The following GNAS-AS1 variants were observed in gnomAD, a reference collection of about 807,000 sequenced individuals.
The protein encoded by GNAS-AS1 is GNAS antisense RNA 1.
chr20:58,840,145 T>C lies in GNAS-AS1; in HGVS notation n.819+1792A>G. 6.2e-7 allele frequency: 1 copy of C among 1,611,442 alleles called. No individual in the cohort carries two copies. Among genetic ancestry groups the C allele is most frequent in the South Asian group, 1.1e-5 (1 of 91,050 alleles). ...CCCGGGCTCAGCAGTGGCGCCGAGC[T>C]CGCCATAATTACAACGACCTGTGCC... On this transcript the variant is annotated intron_variant and non_coding_transcript_variant, in intron 4 of 4. Transcript: ENST00000424094. This position sits in a 1 kb window ranked among gnomAD's most constrained non-coding sequence, Gnocchi z 6.0.
In GNAS-AS1 at chr20:58,840,938, G is replaced by T. The variant is rs1432544188; in HGVS notation, n.819+999C>A. On this transcript the variant is annotated intron_variant and non_coding_transcript_variant, in intron 4 of 4. Transcript: ENST00000424094. This position sits in a 1 kb window ranked among gnomAD's most constrained non-coding sequence, Gnocchi z 6.0. ...AGCCTGAGGGCGGTGTGGGAGCAGC[G>T]CAGGTGGAAAGGAGGTGAGAAGGAA... is the stretch of plus-strand genomic sequence containing the variant. 1 of 1,594,242 alleles carries T rather than the reference G, an allele frequency of 6.3e-7. No individual in the cohort carries two copies. The highest frequency in any genetic ancestry group is 1.3e-5 in the African/African-American group (1 of 74,498).
At chr20:58,830,289 TCACCACCACCATCAC>T (rs2085548820) in intron 4 of GNAS-AS1, among the ~76,000 whole-genome samples, 2 of 85,408 alleles carry the variant, frequency 2.3e-5, no homozygotes, top group South Asian at 8.8e-4. Context: ...CACACCACCA[TCACCACCACCATCAC>T]CACCACCACC....
At position 58,840,642 on chromosome 20, in the gene GNAS-AS1, C is replaced by T. The variant is rs749569559; in HGVS notation, n.819+1295G>A. 3 of 1,605,558 alleles carry T rather than the reference C, an allele frequency of 1.9e-6. No homozygotes were observed. The African/African-American group carries it at 4.0e-5, about 21-fold the overall frequency. On this transcript the variant is annotated intron_variant and non_coding_transcript_variant, in intron 4 of 4. Coordinates refer to ENST00000424094, the Ensembl canonical transcript of GNAS-AS1. This position sits in a 1 kb window ranked among gnomAD's most constrained non-coding sequence, Gnocchi z 6.0. ...CCCGACGCCTCCCCAAGTCGCGCGC[C>T]GCCCAGCACTCAGGAGCCCCAGAGC...
In GNAS-AS1 at chr20:58,840,503, CCCA is replaced by C. The variant is rs757317986; in HGVS notation, n.819+1431_819+1433del. On this transcript the variant is annotated intron_variant and non_coding_transcript_variant, in intron 4 of 4. Transcript: ENST00000424094. This position sits in a 1 kb window ranked among gnomAD's most constrained non-coding sequence, Gnocchi z 6.0. ...CTTCGAGACCGAGCCTGAGACCGCCCCCACCACTGAGCCCGAGACCGAGCCTGA... is the reference window on the plus strand; with the variant it reads ...CTTCGAGACCGAGCCTGAGACCGCCCCCACTGAGCCCGAGACCGAGCCTGA... The C allele has an allele frequency of 5.0e-6, 8 of 1,613,238 alleles. No individual in the cohort carries two copies. In the African/African-American group the frequency reaches 5.3e-5, roughly 11 times the overall value.
At chr20:58,842,315 G>A (rs2085770319) in intron 3 of GNAS-AS1, 3 of 397,816 alleles carry the variant, frequency 7.5e-6, no homozygotes, top group Admixed American at 4.4e-5. Flanking sequence ...ATTTTGCGCC[G>A]GCTTAATTAT....
chr20:58,839,350 C>T (rs2085643913), intron 4 of GNAS-AS1: 7 of 398,786 alleles, frequency 1.8e-5, no homozygotes, highest in Non-Finnish European at 2.7e-5. Flanking sequence ...AGGCTTAATA[C>T]TCGTGTATAG....
intron 4 of GNAS-AS1, chr20:58,839,383 A>G (rs1428240285): frequency 2.5e-6 from 1 of 399,334 alleles, no homozygotes; most frequent in East Asian, 3.6e-5. Flanking sequence ...TCCCCTGAAT[A>G]TTTGCTATTT....
intron 2 of GNAS-AS1, among the ~76,000 whole-genome samples, chr20:58,844,847 C>CA (rs1240276777): frequency 6.6e-6 from 1 of 151,310 alleles, no homozygotes; most frequent in African/African-American, 2.4e-5. Context: ...CCCCGAAAAA[C>CA]AAAAAAAGCA....
At position 58,841,535 on chromosome 20, in the gene GNAS-AS1, G is replaced by A. The variant is rs900259614; in HGVS notation, n.819+402C>T. ...CTCCGCGCCAGTGCCTCCAGCTGCC[G>A]TGCGCCAGCCTTGGCCGCCACAGCC... On this transcript the variant is annotated intron_variant and non_coding_transcript_variant, in intron 4 of 4. Coordinates refer to ENST00000424094, the Ensembl canonical transcript of GNAS-AS1. The surrounding 1 kb of genome is among the most constrained non-coding windows in gnomAD (Gnocchi z 5.0). The A allele has an allele frequency of 2.6e-5, 26 of 995,176 alleles. No homozygotes were observed. Among genetic ancestry groups the A allele is most frequent in the Admixed American group, 1.2e-4 (2 of 16,592 alleles). 61.6% of individuals were successfully genotyped at this position (995,176 alleles called of 1,614,324 possible).
At chr20:58,845,084 A>T (rs2085896656) in intron 2 of GNAS-AS1, among the ~76,000 whole-genome samples, 1 of 152,130 alleles carries the variant, frequency 6.6e-6, no homozygotes. Flanking sequence ...GGTGTCTAAG[A>T]ACAAGCTTTT....
At chr20:58,823,045 C>T (rs945931028) in intron 4 of GNAS-AS1, among the ~76,000 whole-genome samples, 23 of 152,168 alleles carry the variant, frequency 1.5e-4, no homozygotes, top group African/African-American at 3.9e-4. Context: ...TCCCTCTTCA[C>T]GGGCACTTCC....
rs6100251 is a variant in GNAS-AS1 at position 58,847,187 on chromosome 20, C to T, written n.413+1692G>A. Reference sequence around the variant, plus strand: ...AGCTGAGTGAAGGGGTCTGAACTCACGATGGGGGCTTTTTAATCTGAGCAT... The same window carrying T: ...AGCTGAGTGAAGGGGTCTGAACTCATGATGGGGGCTTTTTAATCTGAGCAT... On this transcript the variant is annotated intron_variant and non_coding_transcript_variant, in intron 2 of 4. Transcript: ENST00000424094. Among the ~76,000 whole-genome samples the T allele has an allele frequency of 4.3e-3, 651 of 152,142 alleles. 5 individuals carry two copies. The highest frequency in any genetic ancestry group is 0.017 in the Middle Eastern group (5 of 294).
chr20:58,848,166 T>C (rs1184995778), intron 2 of GNAS-AS1, among the ~76,000 whole-genome samples: 2 of 152,238 alleles, frequency 1.3e-5, no homozygotes, highest in African/African-American at 4.8e-5. Flanking sequence ...ATGCCTTTCT[T>C]AGTACATCAA....
chr20:58,820,135 G>A (rs961526389), intron 4 of GNAS-AS1, among the ~76,000 whole-genome samples: 3 of 152,246 alleles, frequency 2.0e-5, no homozygotes, highest in East Asian at 1.9e-4. Context: ...ATGCCTTCAC[G>A]GTGTTGATGG....
rs555054494 is a variant in GNAS-AS1, at chr20:58,828,164, AC to A, written n.820-8910del. 2.9e-3 allele frequency among the ~76,000 whole-genome samples: 435 copies of A among 152,310 alleles called. 4 individuals carry two copies. Among genetic ancestry groups the A allele is most frequent in the South Asian group, 0.028 (136 of 4,826 alleles). On this transcript the variant is annotated intron_variant and non_coding_transcript_variant, in intron 4 of 4. Coordinates refer to ENST00000424094, the Ensembl canonical transcript of GNAS-AS1. ...TCCTACTGGCTTTAGCCTTGGCCAA[AC>A]CCTTCCCGGCTGCCATGTGGACTTT...
chr20:58,841,856 A>G lies in GNAS-AS1; in HGVS notation n.819+81T>C. 8.1e-7 allele frequency: 1 copy of G among 1,231,084 alleles called. No homozygotes were observed. The allele number at this position is 1,231,084 out of a possible 1,614,324, so 76.3% of individuals were successfully genotyped here. A position where few individuals can be genotyped will look rare whatever the true frequency, so the allele number is the denominator to read the frequency against. ...TGCGCAGGACCTCTGGAGGCCCTCG[A>G]GATCGTCGCAAGTGGAAAGGTAAAG... On this transcript the variant is annotated intron_variant and non_coding_transcript_variant, in intron 4 of 4. Coordinates refer to ENST00000424094, the Ensembl canonical transcript of GNAS-AS1. The surrounding 1 kb of genome is among the most constrained non-coding windows in gnomAD (Gnocchi z 5.0).
intron 4 of GNAS-AS1, among the ~76,000 whole-genome samples, chr20:58,832,663 T>C (rs1568901621): frequency 6.6e-6 from 1 of 152,168 alleles, no homozygotes. Flanking sequence ...CAATTAAAAC[T>C]ACAGAACCCA....
At chr20:58,837,934 G>A (rs2145463400) in intron 4 of GNAS-AS1, among the ~76,000 whole-genome samples, 1 of 152,314 alleles carries the variant, frequency 6.6e-6, no homozygotes, top group South Asian at 2.1e-4. Flanking sequence ...ATCATGGTGA[G>A]AATGGCTGTG....
chr20:58,848,535 A>C (rs1364399493), intron 2 of GNAS-AS1, among the ~76,000 whole-genome samples: 3 of 152,222 alleles, frequency 2.0e-5, no homozygotes, highest in African/African-American at 7.2e-5. Context: ...ATACAATTAT[A>C]ATGGCAGATC....
Sources: gnomAD v4.1 joint callset for allele counts (sites outside exome capture counted in the v4.1 genomes callset) on GRCh38, gnomAD v4.1.1 for gene constraint, Gnocchi (gnomAD v3.1) non-coding constraint, MANE v1.5 for transcripts, NCBI Gene and HGNC (gene_info 2026-07-23, HGNC 2026-07-21) for gene names.